AFG1L: variants seen among roughly 807,000 people sequenced by gnomAD.
AFG1L encodes the protein AFG1 like ATPase, also known as AFG1-like ATPase.
AFG1L carries 53 observed loss-of-function variants against 62.2 expected under a neutral mutation model. The ratio of observed to expected loss-of-function variants is 0.85; its 90% CI spans 0.68 to 1.07. The LOEUF is 1.07. Among genes scored for constraint, AFG1L ranks in the 50% least tolerant of loss-of-function variants. AFG1L has a pLI of 0.00. For missense variants in AFG1L, 555 were observed against 590.5 expected (o/e 0.94, Z 0.62); for synonymous variants, 228 against 210.3 (o/e 1.08, Z -0.73).
Position 108,522,561 on chromosome 6 carries a change from C to A in AFG1L, c.*136C>A. ...TCTGGACCATTTTAATCTAAAATTG[C>A]TCTCAAGGATCTAGTGGATTAGTAA... On this transcript the variant is annotated 3_prime_UTR_variant, in exon 13 of 13. Coordinates refer to ENST00000368977, the MANE Select transcript of AFG1L (RefSeq NM_145315.5). The A allele has an allele frequency of 2.1e-6, 2 of 945,520 alleles. No homozygotes were observed. Among genetic ancestry groups the A allele is most frequent in the Non-Finnish European group, 3.0e-6 (2 of 671,582 alleles). 58.6% of individuals were successfully genotyped at this position (945,520 alleles called of 1,614,324 possible). A position where few individuals can be genotyped will look rare whatever the true frequency, so the allele number is the denominator to read the frequency against.
chr6:108,487,349 C>CG (rs760629290), intron 10 of AFG1L, among the ~76,000 whole-genome samples: 1 of 152,114 alleles, frequency 6.6e-6, no homozygotes, highest in Non-Finnish European at 1.5e-5. Context: ...GCACTCCAGC[C>CG]GGGGCAACAT....
At chr6:108,505,127 C>T (rs1342820177) in intron 10 of AFG1L, among the ~76,000 whole-genome samples, 2 of 147,584 alleles carry the variant, frequency 1.4e-5, no homozygotes, top group African/African-American at 2.5e-5. Flanking sequence ...TGGAGTCTCA[C>T]ACTGTCACCC....
intron 10 of AFG1L, among the ~76,000 whole-genome samples, chr6:108,506,080 A>G (rs997994321): frequency 8.5e-5 from 13 of 152,202 alleles, no homozygotes; most frequent in African/African-American, 3.1e-4. Context: ...ACTTTAAAGT[A>G]CAGTCACCCC....
chr6:108,311,609 G>A lies in AFG1L; in HGVS notation c.140-12216G>A, dbSNP rs143548381. Among the ~76,000 whole-genome samples the A allele has an allele frequency of 2.5e-3, 375 of 151,856 alleles. 5 individuals are homozygous for A. Among genetic ancestry groups the A allele is most frequent in the African/African-American group, 8.4e-3 (347 of 41,416 alleles). ...ACTCCGGGGCTCAAGCGATCCTCCC[G>A]CCTCAGCCTCCTGAGTAGCTGGGAT... On this transcript the variant is annotated intron_variant, in intron 1 of 12. Coordinates refer to ENST00000368977, the MANE Select transcript of AFG1L (RefSeq NM_145315.5).
At chr6:108,406,396 A>T (rs1315487325) in intron 7 of AFG1L, among the ~76,000 whole-genome samples, 4 of 151,048 alleles carry the variant, frequency 2.6e-5, no homozygotes. Flanking sequence ...TTCCCAAATG[A>T]TTAATGATAT....
At chr6:108,363,428 C>T (rs1200754937) in intron 5 of AFG1L, among the ~76,000 whole-genome samples, 1 of 152,170 alleles carries the variant, frequency 6.6e-6, no homozygotes, top group South Asian at 2.1e-4. Context: ...GTTAGATACA[C>T]GATTCTTACC....
intron 10 of AFG1L, among the ~76,000 whole-genome samples, chr6:108,488,079 G>T (rs1773638696): frequency 1.3e-5 from 2 of 152,150 alleles, no homozygotes; most frequent in South Asian, 4.1e-4. Context: ...CTTTCCAGAA[G>T]GAAACTTGGT....
At chr6:108,488,456 G>T (rs923016760) in intron 10 of AFG1L, among the ~76,000 whole-genome samples, 2 of 152,146 alleles carry the variant, frequency 1.3e-5, no homozygotes. Flanking sequence ...AGGTTGGGGG[G>T]AGTATGAGGC....
intron 10 of AFG1L, among the ~76,000 whole-genome samples, chr6:108,501,387 ACT>A (rs1353961866): frequency 6.6e-6 from 1 of 152,152 alleles, no homozygotes; most frequent in Non-Finnish European, 1.5e-5. Flanking sequence ...GTAATGGTTG[ACT>A]CTCTGTAATT....
intron 8 of AFG1L, among the ~76,000 whole-genome samples, chr6:108,458,311 A>C (rs966613468): frequency 1.3e-5 from 2 of 152,046 alleles, no homozygotes; most frequent in Non-Finnish European, 2.9e-5. Flanking sequence ...CCCACAGCTC[A>C]CTGATGCTCT....
rs149080891 is a variant in AFG1L, at chr6:108,397,553, C to T, written c.749-4443C>T. On this transcript the variant is annotated intron_variant, in intron 6 of 12. Transcript: ENST00000368977. ...ATTATAGGCATGAGCCATGACGCTC[C>T]GCCTTTTTTATTCTTTCTATTTTTT... Among the ~76,000 whole-genome samples the T allele has an allele frequency of 2.5e-3, 382 of 152,258 alleles. 1 individual carries two copies. The highest frequency in any genetic ancestry group is 4.1e-3 in the Non-Finnish European group (278 of 68,006).
At chr6:108,360,431 T>C (rs1582436007) in intron 5 of AFG1L, among the ~76,000 whole-genome samples, 1 of 152,334 alleles carries the variant, frequency 6.6e-6, no homozygotes, top group Non-Finnish European at 1.5e-5. Flanking sequence ...AATTTTAGTG[T>C]AGCATTTTTT....
intron 7 of AFG1L, among the ~76,000 whole-genome samples, chr6:108,414,906 A>G (rs556830156): frequency 6.6e-6 from 1 of 152,196 alleles, no homozygotes; most frequent in Non-Finnish European, 1.5e-5. Flanking sequence ...ACATAGTGTT[A>G]GAAGTTCTGG....
chr6:108,324,968 C>T lies in AFG1L; in HGVS notation c.363+920C>T, dbSNP rs139277501. On this transcript the variant is annotated intron_variant, in intron 2 of 12. Coordinates refer to ENST00000368977, the MANE Select transcript of AFG1L (RefSeq NM_145315.5). ...TCGGCCACCCAAAGTGCTGGGATTA[C>T]AGGTGTGAGCCACTGTGCCTGGCCT... is the stretch of plus-strand genomic sequence containing the variant. 6.5e-3 allele frequency among the ~76,000 whole-genome samples: 995 copies of T among 152,258 alleles called. 10 individuals are homozygous for T. The highest frequency in any genetic ancestry group is 0.022 in the African/African-American group (923 of 41,548).
At position 108,416,961 on chromosome 6, in the gene AFG1L, G is replaced by T. The variant is rs893159586; in HGVS notation, c.807+14907G>T. 7.2e-5 allele frequency among the ~76,000 whole-genome samples: 11 copies of T among 151,794 alleles called. 1 individual carries two copies. The Middle Eastern group carries it at 0.01, about 141-fold the overall frequency. On this transcript the variant is annotated intron_variant, in intron 7 of 12. Coordinates refer to ENST00000368977, the MANE Select transcript of AFG1L (RefSeq NM_145315.5). ...TAAATAAATAAAGGGGCCTGGGCTG[G>T]GTGTGGTGGCTCAGACCTGTAATCC...
chr6:108,524,919 C>A lies in AFG1L; in HGVS notation c.*2494C>A, dbSNP rs1357492705. On this transcript the variant is annotated 3_prime_UTR_variant, in exon 13 of 13. Transcript: ENST00000368977. The stretch of plus-strand genomic sequence containing the variant: ...GTAATGCCAACATGAAAAACAACCC[C>A]TAGATTGGAGAGCAACATTTCACTT... The A allele has an allele frequency of 6.6e-6, 1 of 152,224 alleles. No individual in the cohort carries two copies. Among genetic ancestry groups the A allele is most frequent in the African/African-American group, 2.4e-5 (1 of 41,436 alleles). 9.4% of individuals were successfully genotyped at this position (152,224 alleles called of 1,614,324 possible).
At chr6:108,506,682 A>G (rs191414683) in intron 10 of AFG1L, among the ~76,000 whole-genome samples, 56 of 152,278 alleles carry the variant, frequency 3.7e-4, no homozygotes, top group African/African-American at 1.3e-3. Context: ...TTCCTTCCAT[A>G]TTCTTTAATT....
At chr6:108,332,200 A>G (rs1305569521) in intron 2 of AFG1L, among the ~76,000 whole-genome samples, 2 of 152,216 alleles carry the variant, frequency 1.3e-5, no homozygotes, top group African/African-American at 4.8e-5. Flanking sequence ...TTTGCTCTAG[A>G]TGACTGCTAC....
At chr6:108,375,795 C>A (rs1780218960) in intron 6 of AFG1L, among the ~76,000 whole-genome samples, 2 of 151,710 alleles carry the variant, frequency 1.3e-5, no homozygotes, top group Non-Finnish European at 2.9e-5. Context: ...TGTCTCTTTG[C>A]CAGGTTTTGG....
Sources: gnomAD v4.1 joint callset for allele counts (sites outside exome capture counted in the v4.1 genomes callset) on GRCh38, gnomAD v4.1.1 for gene constraint, MANE v1.5 for transcripts, NCBI Gene and HGNC (gene_info 2026-07-23, HGNC 2026-07-21) for gene names.